TMTC1: variants seen among roughly 807,000 people sequenced by gnomAD.
TMTC1 encodes the protein transmembrane O-mannosyltransferase targeting cadherins 1.
Under a neutral mutation model 104.8 loss-of-function variants are expected in TMTC1, and 73 were observed. The ratio of observed to expected loss-of-function variants is 0.70; its 90% confidence interval spans 0.58 to 0.85. The LOEUF (loss-of-function observed/expected upper bound fraction) is 0.85. Ranked by LOEUF, TMTC1 falls within the 40% of genes least tolerant of loss-of-function variation. The probability of loss-of-function intolerance (pLI) is 0.00; values close to 1 mark genes in which losing one functional copy is unlikely to be tolerated. For synonymous variants in TMTC1, 434 were observed against 428.7 expected, an observed-to-expected ratio of 1.01 and a Z score of -0.15; for missense variants, 1,035 against 1,096.1, an observed-to-expected ratio of 0.94 and a Z score of 0.79.
At chr12:29,724,519 TG>T (rs1246371088) in intron 5 of TMTC1, among the ~76,000 whole-genome samples, 1 of 152,188 alleles carries the variant, frequency 6.6e-6, no homozygotes, top group Non-Finnish European at 1.5e-5. Context: ...ACATTCTGGA[TG>T]ATAAGTGATA....
intron 9 of TMTC1, among the ~76,000 whole-genome samples, chr12:29,565,603 T>G (rs1050454376): frequency 7.2e-5 from 11 of 152,138 alleles, no homozygotes; most frequent in Non-Finnish European, 1.3e-4. Context: ...CCCCAGCACT[T>G]TGGGAGGTCA....
intron 9 of TMTC1, among the ~76,000 whole-genome samples, chr12:29,563,108 C>G (rs1945419919): frequency 6.6e-6 from 1 of 152,164 alleles, no homozygotes; most frequent in South Asian, 2.1e-4. Flanking sequence ...GTAACCCTCT[C>G]CATTTTAAGA....
At chr12:29,643,446 TCA>T (rs1404092947) in intron 5 of TMTC1, among the ~76,000 whole-genome samples, 6 of 130,142 alleles carry the variant, frequency 4.6e-5, no homozygotes, top group Non-Finnish European at 9.5e-5. Flanking sequence ...TATATATATA[TCA>T]CATATATATG....
Position 29,783,845 on chromosome 12 carries a change from G to T in TMTC1, c.-94C>A, listed in dbSNP as rs530280235. 1.3e-3 allele frequency: 1,400 copies of T among 1,046,424 alleles called. 2 individuals carry two copies. Among genetic ancestry groups the T allele is most frequent in the Non-Finnish European group, 1.5e-3 (1,335 of 866,132 alleles). The allele number at this position is 1,046,424 out of a possible 1,614,324, so 64.8% of individuals were successfully genotyped here. ...GGCGGCGCGCGGCGTCTGCCCGGAG[G>T]GGGGCTCGGGCATGGTGCTGCGGCA... On this transcript the variant is annotated 5_prime_UTR_variant, in exon 1 of 18. Coordinates refer to ENST00000539277, the MANE Select transcript of TMTC1 (RefSeq NM_001193451.2). This position sits in a 1 kb window ranked among gnomAD's most constrained non-coding sequence, Gnocchi z 4.7.
rs560262506 is a variant in TMTC1 at position 29,757,989 on chromosome 12, G to A, written c.554+715C>T. ...TTACAATTCAAGATGAGATTTGGGA[G>A]TTACAATTCAAGATGAGATTTGGGT... is the stretch of plus-strand genomic sequence containing the variant. On this transcript the variant is annotated intron_variant, in intron 3 of 17. Coordinates refer to ENST00000539277, the MANE Select transcript of TMTC1 (RefSeq NM_001193451.2). Among the ~76,000 whole-genome samples, 3 of 152,318 alleles carry A rather than the reference G, an allele frequency of 2.0e-5. No individual in the cohort carries two copies. The East Asian group carries it at 5.8e-4, about 29-fold the overall frequency.
At chr12:29,554,566 C>T (rs369404179) in intron 10 of TMTC1, among the ~76,000 whole-genome samples, 1 of 152,122 alleles carries the variant, frequency 6.6e-6, no homozygotes, top group African/African-American at 2.4e-5. Flanking sequence ...CTATATTGTG[C>T]TATACATATG....
chr12:29,606,805 C>A (rs1192834045), intron 6 of TMTC1, among the ~76,000 whole-genome samples: 1 of 152,150 alleles, frequency 6.6e-6, no homozygotes, highest in African/African-American at 2.4e-5. Flanking sequence ...CTCTATATCC[C>A]CAGCATCACA....
At chr12:29,540,155 C>T (rs1944757123) in intron 10 of TMTC1, among the ~76,000 whole-genome samples, 1 of 152,114 alleles carries the variant, frequency 6.6e-6, no homozygotes, top group South Asian at 2.1e-4. Flanking sequence ...CCTAGTGAAG[C>T]ACGTGTGGGG....
At chr12:29,725,014 C>CTTTTTTT (rs869135481) in intron 5 of TMTC1, among the ~76,000 whole-genome samples, 1 of 90,402 alleles carries the variant, frequency 1.1e-5, no homozygotes, top group Non-Finnish European at 2.0e-5. Context: ...CTGCCAAGTT[C>CTTTTTTT]TTTTTTTTTT....
chr12:29,639,436 T>C (rs1938726605), intron 5 of TMTC1, among the ~76,000 whole-genome samples: 1 of 152,154 alleles, frequency 6.6e-6, no homozygotes, highest in Admixed American at 6.5e-5. Context: ...ACATGTATAA[T>C]ATAAAAATGA....
chr12:29,609,690 G>A (rs924809155), intron 6 of TMTC1, among the ~76,000 whole-genome samples: 2 of 152,252 alleles, frequency 1.3e-5, no homozygotes, highest in African/African-American at 2.4e-5. Context: ...CAAGAAGAAC[G>A]CTTTCAAGAC....
At chr12:29,730,592 G>C (rs905405757) in intron 5 of TMTC1, among the ~76,000 whole-genome samples, 1 of 152,120 alleles carries the variant, frequency 6.6e-6, no homozygotes, top group East Asian at 1.9e-4. Flanking sequence ...CCCTGAGAAG[G>C]ATCACCGGAT....
intron 5 of TMTC1, among the ~76,000 whole-genome samples, chr12:29,706,155 T>C (rs541690300): frequency 2.3e-4 from 35 of 152,290 alleles, no homozygotes; most frequent in Non-Finnish European, 4.1e-4. Flanking sequence ...CTGCACACTG[T>C]CAGTAAATGG....
intron 2 of TMTC1, among the ~76,000 whole-genome samples, chr12:29,763,205 A>G (rs1418115171): frequency 1.3e-5 from 2 of 152,208 alleles, no homozygotes; most frequent in African/African-American, 4.8e-5. Context: ...ATGTGCCCAG[A>G]TATAAAGAAT....
At position 29,505,010 on chromosome 12, in the gene TMTC1, A is replaced by G. The variant is rs937905352; in HGVS notation, c.*1836T>C. 1.3e-5 allele frequency: 2 copies of G among 152,188 alleles called. No homozygotes were observed. Among genetic ancestry groups the G allele is most frequent in the Admixed American group, 1.3e-4 (2 of 15,278 alleles). 9.4% of individuals were successfully genotyped at this position (152,188 alleles called of 1,614,324 possible). ...ATACATTTATGTTATATAACATGAA[A>G]AAACTATTAGAAACAAATGGTTGTA... On this transcript the variant is annotated 3_prime_UTR_variant, in exon 18 of 18. Coordinates refer to ENST00000539277, the MANE Select transcript of TMTC1 (RefSeq NM_001193451.2).
chr12:29,749,488 A>T (rs1943036794), intron 5 of TMTC1, among the ~76,000 whole-genome samples: 1 of 152,170 alleles, frequency 6.6e-6, no homozygotes, highest in Non-Finnish European at 1.5e-5. Flanking sequence ...GTTCATAGTC[A>T]CATGGCAGCC....
rs1407023357 is a variant in TMTC1, at chr12:29,758,690, T to G, written c.554+14A>C. 3 of 1,612,592 alleles carry G rather than the reference T, an allele frequency of 1.9e-6. No homozygotes were observed. The highest frequency in any genetic ancestry group is 1.3e-5 in the African/African-American group (1 of 74,864). Reference sequence around the variant, plus strand: ...GTTGCGATCACAGAGAAGGGCATTCTTAGCTACACATACCTGTTGTACGAG... The same window carrying G: ...GTTGCGATCACAGAGAAGGGCATTCGTAGCTACACATACCTGTTGTACGAG... On this transcript the variant is annotated intron_variant, in intron 3 of 17. Transcript: ENST00000539277.
At chr12:29,759,355 C>G (rs928067477) in intron 2 of TMTC1, among the ~76,000 whole-genome samples, 2 of 151,998 alleles carry the variant, frequency 1.3e-5, no homozygotes, top group South Asian at 2.1e-4. Context: ...AAATTAGCCA[C>G]GCATGGTGGC....
intron 7 of TMTC1, among the ~76,000 whole-genome samples, chr12:29,598,504 C>G (rs1389382376): frequency 6.6e-6 from 1 of 152,166 alleles, no homozygotes; most frequent in East Asian, 1.9e-4. Context: ...TTGATTATTC[C>G]AATCCATGAA....
Sources: gnomAD v4.1 joint callset for allele counts (sites outside exome capture counted in the v4.1 genomes callset) on GRCh38, gnomAD v4.1.1 for gene constraint, Gnocchi (gnomAD v3.1) non-coding constraint, MANE v1.5 for transcripts, NCBI Gene and HGNC (gene_info 2026-07-23, HGNC 2026-07-21) for gene names.